Variants in ASCC3 observed in about 807,000 individuals in gnomAD.
ASCC3 encodes the protein activating signal cointegrator 1 complex subunit 3, also known as ASC-1 complex subunit P200.
ASCC3 carries 158 observed loss-of-function variants against 256.3 expected under a neutral mutation model. The observed-to-expected ratio is 0.62, with a 90% CI of 0.54 to 0.70. ASCC3 has a LOEUF of 0.70. Among genes scored for constraint, ASCC3 ranks in the 30% least tolerant of loss-of-function variants. ASCC3 has a pLI of 0.00. For synonymous variants in ASCC3, 948 were observed against 883.4 expected (o/e 1.07, Z -1.30); for missense variants, 2,259 against 2,626.0 (o/e 0.86, Z 3.05).
chr6:100,752,941 A>G (rs1781003605), intron 10 of ASCC3, among the ~76,000 whole-genome samples: 1 of 152,168 alleles, frequency 6.6e-6, no homozygotes, highest in African/African-American at 2.4e-5. Flanking sequence ...TAAACTATTT[A>G]TCTGCTTATT....
At chr6:100,880,600 T>C (rs1420045750) in intron 1 of ASCC3, among the ~76,000 whole-genome samples, 1 of 149,082 alleles carries the variant, frequency 6.7e-6, no homozygotes, top group Admixed American at 6.6e-5. Flanking sequence ...TATAGGCTCC[T>C]TGATTGCGAA....
chr6:100,543,626 A>C (rs1775570387), intron 36 of ASCC3, among the ~76,000 whole-genome samples: 1 of 152,104 alleles, frequency 6.6e-6, no homozygotes, highest in African/African-American at 2.4e-5. Flanking sequence ...CGGTAACTTC[A>C]TTAACTATAA....
chr6:100,563,683 C>T (rs368350691), intron 36 of ASCC3, among the ~76,000 whole-genome samples: 1 of 152,018 alleles, frequency 6.6e-6, no homozygotes, highest in Non-Finnish European at 1.5e-5. Flanking sequence ...TCAGAACAAT[C>T]CCATATGTAA....
chr6:100,511,893 A>G (rs989804331), intron 40 of ASCC3, among the ~76,000 whole-genome samples: 2 of 152,178 alleles, frequency 1.3e-5, no homozygotes, highest in Non-Finnish European at 2.9e-5. Flanking sequence ...AGAAGGGACA[A>G]TACTTATGAA....
At chr6:100,547,785 C>T (rs757854281) in intron 36 of ASCC3, among the ~76,000 whole-genome samples, 5 of 151,584 alleles carry the variant, frequency 3.3e-5, no homozygotes, top group Non-Finnish European at 7.4e-5. Context: ...TATTCCATTC[C>T]TAGGGATTTA....
rs752432887 is a variant in ASCC3 at position 100,642,769 on chromosome 6, A to G, written c.3733-20T>C. ...AATGACCTAATATGAAATACAGTCA[A>G]AAATAAATATGGATATTCTAATAGC... On this transcript the variant is annotated intron_variant, in intron 23 of 41. Transcript: ENST00000369162. 3.1e-6 allele frequency: 5 copies of G among 1,591,004 alleles called. No homozygotes were observed. The highest frequency in any genetic ancestry group is 4.3e-6 in the Non-Finnish European group (5 of 1,159,224).
At chr6:100,743,439 C>T (rs541989581) in intron 10 of ASCC3, among the ~76,000 whole-genome samples, 3 of 152,220 alleles carry the variant, frequency 2.0e-5, no homozygotes, top group African/African-American at 4.8e-5. Context: ...GCTCCTGTCT[C>T]GTGACTTCCC....
At position 100,691,368 on chromosome 6, in the gene ASCC3, C is replaced by T. The variant is rs951257690; in HGVS notation, c.2152-11616G>A. Among the ~76,000 whole-genome samples, 6 of 151,890 alleles carry T rather than the reference C, an allele frequency of 4.0e-5. No homozygotes were observed. In the South Asian group the frequency reaches 8.3e-4, roughly 21 times the overall value. On this transcript the variant is annotated intron_variant, in intron 13 of 41. Coordinates refer to ENST00000369162, the MANE Select transcript of ASCC3 (RefSeq NM_006828.4). ...ATTTCTCCTTTACTGTAAATTTTTT[C>T]TTTAATGAAAACAATGTTTTCTTAA... is the stretch of plus-strand genomic sequence containing the variant.
intron 8 of ASCC3, among the ~76,000 whole-genome samples, chr6:100,783,311 C>T (rs1295480328): frequency 6.6e-6 from 1 of 152,146 alleles, no homozygotes. Context: ...AAAGTTTAGA[C>T]ACAGAAGAAA....
In ASCC3 at chr6:100,793,478, A is replaced by G. The variant is rs565335117; in HGVS notation, c.1395+5235T>C. ...ATTTCATCAGAACCATGGCCTTGAA[A>G]TCACAGCCTTTTTAAGAGGTCGTAT... On this transcript the variant is annotated intron_variant, in intron 8 of 41. Coordinates refer to ENST00000369162, the MANE Select transcript of ASCC3 (RefSeq NM_006828.4). Among the ~76,000 whole-genome samples the G allele has an allele frequency of 5.3e-5, 8 of 152,114 alleles. No homozygotes were observed. The South Asian group carries it at 1.4e-3, about 28-fold the overall frequency.
Position 100,629,002 on chromosome 6 carries a change from C to T in ASCC3, c.4375+13G>A, listed in dbSNP as rs1774398729. ...AAAGTTTGTAAACTGGCTTTAGATA[C>T]AGTGGTACCTACCAAGCAGATGGAT... On this transcript the variant is annotated intron_variant, in intron 27 of 41. Transcript: ENST00000369162. 3 of 1,610,790 alleles carry T rather than the reference C, an allele frequency of 1.9e-6. No homozygotes were observed. The highest frequency in any genetic ancestry group is 1.7e-6 in the Non-Finnish European group (2 of 1,178,684).
intron 25 of ASCC3, 64 bp downstream of exon 25, chr6:100,638,537 G>T: frequency 7.4e-7 from 1 of 1,352,488 alleles, no homozygotes; most frequent in Non-Finnish European, 1.0e-6. Context: ...ATTTAGAACT[G>T]TCTAGTTTAG....
In ASCC3 at chr6:100,512,646, T is replaced by A. The variant is rs753957600; in HGVS notation, c.6285+63A>T. The A allele has an allele frequency of 2.7e-6, 4 of 1,472,358 alleles. No individual in the cohort carries two copies. The African/African-American group carries it at 5.6e-5, about 20-fold the overall frequency. 91.2% of individuals were successfully genotyped at this position (1,472,358 alleles called of 1,614,324 possible). ...GGGCACATTAGTCACATAACAGATA[T>A]GTGTGGTGGTGCATGCTGGTATTTG... On this transcript the variant is annotated intron_variant, in intron 40 of 41. Transcript: ENST00000369162.
intron 36 of ASCC3, among the ~76,000 whole-genome samples, chr6:100,584,270 C>T (rs1324714900): frequency 6.6e-6 from 1 of 151,208 alleles, no homozygotes; most frequent in East Asian, 1.9e-4. Context: ...TCTGGGTGCT[C>T]CTGTATTGGG....
intron 2 of ASCC3, among the ~76,000 whole-genome samples, chr6:100,864,740 T>C (rs1466743303): frequency 6.6e-6 from 1 of 152,170 alleles, no homozygotes; most frequent in African/African-American, 2.4e-5. Context: ...GGAAGATTCT[T>C]TTCTATACAC....
Position 100,760,269 on chromosome 6 carries a change from A to G in ASCC3, c.1737+6296T>C, listed in dbSNP as rs944589630. 3.9e-5 allele frequency among the ~76,000 whole-genome samples: 6 copies of G among 152,252 alleles called. No individual in the cohort carries two copies. The South Asian group carries it at 1.2e-3, about 32-fold the overall frequency. On this transcript the variant is annotated intron_variant, in intron 10 of 41. Coordinates refer to ENST00000369162, the MANE Select transcript of ASCC3 (RefSeq NM_006828.4). ...TGCTTCCAACTTTTGCCCATTCAATATGATATTCGCTGTGGGACTGTGATA... is the reference window on the plus strand; with the variant it reads ...TGCTTCCAACTTTTGCCCATTCAATGTGATATTCGCTGTGGGACTGTGATA...
chr6:100,579,443 C>T (rs888560792), intron 36 of ASCC3, among the ~76,000 whole-genome samples: 1 of 152,004 alleles, frequency 6.6e-6, no homozygotes, highest in Non-Finnish European at 1.5e-5. Context: ...ATGGTATTTC[C>T]TGGGTTATCT....
chr6:100,833,490 T>C lies in ASCC3; in HGVS notation c.801+14658A>G, dbSNP rs557412597. On this transcript the variant is annotated intron_variant, in intron 4 of 41. Coordinates refer to ENST00000369162, the MANE Select transcript of ASCC3 (RefSeq NM_006828.4). ...TTCAACTAATAATAATGTGTAAATA[T>C]TGGCTTATCAATCATAACAAATGTA... Among the ~76,000 whole-genome samples, 10 of 152,278 alleles carry C rather than the reference T, an allele frequency of 6.6e-5. No homozygotes were observed. The South Asian group carries it at 1.9e-3, about 28-fold the overall frequency.
intron 17 of ASCC3, among the ~76,000 whole-genome samples, chr6:100,653,913 C>T (rs529751608): frequency 1.2e-4 from 18 of 151,944 alleles, no homozygotes; most frequent in African/African-American, 4.3e-4. Flanking sequence ...TGAAATATGA[C>T]CTTTAATGGA....
Sources: gnomAD v4.1 joint callset for allele counts (sites outside exome capture counted in the v4.1 genomes callset) on GRCh38, gnomAD v4.1.1 for gene constraint, MANE v1.5 for transcripts, NCBI Gene and HGNC (gene_info 2026-07-23, HGNC 2026-07-21) for gene names.